The following CEACAM5 variants were observed in gnomAD, a reference collection of about 807,000 sequenced individuals.
CEACAM5 encodes CEA cell adhesion molecule 5.
A neutral mutation model predicts 63.0 loss-of-function variants in CEACAM5; 52 were observed. The ratio of observed to expected loss-of-function variants is 0.83; its 90% CI spans 0.66 to 1.04. The LOEUF is 1.04. Ranked by LOEUF, CEACAM5 falls within the 50% of genes least tolerant of loss-of-function variation. CEACAM5 has a pLI of 0.00. For synonymous variants in CEACAM5, 357 were observed against 351.3 expected (o/e 1.02, Z -0.18); for missense variants, 790 against 864.8 (o/e 0.91, Z 1.08).
intron 7 of CEACAM5, 125 bp downstream of exon 7, chr19:41,720,333 C>A: frequency 3.3e-6 from 4 of 1,226,680 alleles, no homozygotes; most frequent in Non-Finnish European, 4.6e-6. Context: ...CCCAGGCTGG[C>A]CATAACTTCC....
chr19:41,720,500 CTTT>C (rs10713199), intron 7 of CEACAM5, among the ~76,000 whole-genome samples: 1 of 96,050 alleles, frequency 1.0e-5, no homozygotes, highest in African/African-American at 4.1e-5. Flanking sequence ...ATGGTTTGGA[CTTT>C]TTTTTTTTTT....
intron 2 of CEACAM5, among the ~76,000 whole-genome samples, chr19:41,711,272 C>T (rs1307510995): frequency 6.6e-6 from 1 of 152,210 alleles, no homozygotes; most frequent in Non-Finnish European, 1.5e-5. Context: ...AGCCCCCTCA[C>T]ATGACCTCAA....
At chr19:41,722,337 C>G (rs1244346565) in intron 8 of CEACAM5, among the ~76,000 whole-genome samples, 3 of 138,900 alleles carry the variant, frequency 2.2e-5, no homozygotes, top group African/African-American at 8.2e-5. Flanking sequence ...GCACTCCAGC[C>G]TGGGTGACAG....
intron 8 of CEACAM5, among the ~76,000 whole-genome samples, chr19:41,723,839 C>A (rs781843795): frequency 6.6e-6 from 1 of 151,336 alleles, no homozygotes; most frequent in Non-Finnish European, 1.5e-5. Context: ...GTCCCAGCTA[C>A]TCAAGAGGCT....
intron 8 of CEACAM5, 136 bp downstream of exon 8, chr19:41,721,312 C>A: frequency 1.1e-6 from 1 of 944,028 alleles, no homozygotes; most frequent in Non-Finnish European, 1.6e-6. Context: ...CTATCCTGAG[C>A]CCCCTCACTC....
At chr19:41,713,756 G>A (rs561144913) in intron 2 of CEACAM5, among the ~76,000 whole-genome samples, 2 of 152,202 alleles carry the variant, frequency 1.3e-5, no homozygotes, top group Non-Finnish European at 2.9e-5. Flanking sequence ...TCAAAGTTCT[G>A]TCTCATAACT....
intron 6 of CEACAM5, among the ~76,000 whole-genome samples, 171 bp downstream of exon 6, chr19:41,718,553 GT>G (rs144111837): frequency 2.7e-3 from 417 of 152,234 alleles, no homozygotes; most frequent in Non-Finnish European, 4.6e-3. Flanking sequence ...TCTTCCCCTT[GT>G]TTTTCTGATT....
chr19:41,718,045 G>A, intron 5 of CEACAM5, 83 bp from the exon 6 acceptor site: 1 of 1,528,166 alleles, frequency 6.5e-7, no homozygotes, highest in Non-Finnish European at 8.9e-7. Context: ...TGGCTCAGGG[G>A]GACACTGTTG....
chr19:41,715,568 G>C, intron 3 of CEACAM5, 82 bp from the exon 4 acceptor site: 1 of 1,539,908 alleles, frequency 6.5e-7, no homozygotes, highest in Non-Finnish European at 8.9e-7. Context: ...CAGCTTAGAG[G>C]GACACTGTGG....
In CEACAM5 at chr19:41,711,707, G is replaced by A. The variant is rs1283558411; in HGVS notation, c.424+1668G>A. Among the ~76,000 whole-genome samples the A allele has an allele frequency of 2.0e-5, 3 of 152,116 alleles. No homozygotes were observed. In the East Asian group the frequency reaches 5.8e-4, roughly 29 times the overall value. On this transcript the variant is annotated intron_variant, in intron 2 of 9. Coordinates refer to ENST00000221992, the MANE Select transcript of CEACAM5 (RefSeq NM_004363.6). ...TACCCCGCATGGCTCATTGCCATGG[G>A]CATTTCTGACTTTCTTCTATTCCTC...
chr19:41,713,747 C>T (rs1167145126), intron 2 of CEACAM5, among the ~76,000 whole-genome samples: 3 of 152,310 alleles, frequency 2.0e-5, no homozygotes, highest in Admixed American at 1.3e-4. Context: ...AACTTCTTCT[C>T]AAAGTTCTGT....
chr19:41,715,737 AC>A lies in CEACAM5; in HGVS notation c.794del (p.Pro265HisfsTer27). Reference sequence around the variant, plus strand: ...AACCTCTCCTGCCACGCAGCCTCTAACCCACCTGCACAGTACTCTTGGTTTG... The same window carrying A: ...AACCTCTCCTGCCACGCAGCCTCTAACCACCTGCACAGTACTCTTGGTTTG... ...NLNLSCHAAS[N>X]PPAQYSWFVN... On this transcript the variant is annotated frameshift_variant, in exon 4 of 10. Transcript: ENST00000221992. LOFTEE classifies it high-confidence loss of function. The A allele has an allele frequency of 6.2e-7, 1 of 1,614,052 alleles. No individual in the cohort carries two copies. Among genetic ancestry groups the A allele is most frequent in the Non-Finnish European group, 8.5e-7 (1 of 1,180,002 alleles).
Position 41,715,781 on chromosome 19 carries a change from C to G in CEACAM5, c.835C>G (p.Gln279Glu), listed in dbSNP as rs782438192. The change falls in exon 4 of 10, where the codon CAA (glutamine) becomes GAA (glutamate). Residue 279 changes from glutamine to glutamate, a missense_variant. By Grantham distance (29) the Gln-to-Glu change is conservative. Coordinates refer to ENST00000221992, the MANE Select transcript of CEACAM5 (RefSeq NM_004363.6). ...YSWFVNGTFQ[Q>E]STQELFIPNI... ...TTGGTTTGTCAATGGGACTTTCCAG[C>G]AATCCACCCAAGAGCTCTTTATCCC... The G allele has an allele frequency of 6.2e-7, 1 of 1,614,226 alleles. No individual in the cohort carries two copies. Among genetic ancestry groups the G allele is most frequent in the Non-Finnish European group, 8.5e-7 (1 of 1,180,048 alleles).
At chr19:41,715,510 G>A in intron 3 of CEACAM5, 140 bp from the exon 4 acceptor site, 2 of 1,236,508 alleles carry the variant, frequency 1.6e-6, no homozygotes, top group Admixed American at 1.8e-5. Context: ...TCAGACTCAG[G>A]CTCAGTAGAT....
chr19:41,725,387 A>G (rs1176074069), intron 8 of CEACAM5, among the ~76,000 whole-genome samples: 1 of 147,544 alleles, frequency 6.8e-6, no homozygotes, highest in Non-Finnish European at 1.5e-5. Flanking sequence ...TTTTTAAGAG[A>G]CAGGGTCTCA....
chr19:41,719,860 C>G, intron 6 of CEACAM5, 70 bp from the exon 7 acceptor site: 1 of 1,599,070 alleles, frequency 6.3e-7, no homozygotes, highest in Non-Finnish European at 8.5e-7. Flanking sequence ...GTTGCCAACT[C>G]TGATTGAAAG....
Position 41,717,686 on chromosome 19 carries a change from A to G in CEACAM5, c.1190A>G (p.Asn397Ser). 6.2e-7 allele frequency: 1 copy of G among 1,614,202 alleles called. No individual in the cohort carries two copies. Among genetic ancestry groups the G allele is most frequent in the Non-Finnish European group, 8.5e-7 (1 of 1,180,024 alleles). ...GGACCCTATGAGTGTGGAATCCAGA[A>G]CGAATTAAGTGTTGACCACAGCGAC... Reference protein sequence around the residue: ...DVGPYECGIQNELSVDHSDPV... With the variant: ...DVGPYECGIQSELSVDHSDPV... The change falls in exon 5 of 10, where the codon AAC becomes AGC. Residue 397 changes from asparagine to serine, a missense_variant. Asn to Ser is a conservative substitution (Grantham distance 46). Transcript: ENST00000221992.
chr19:41,714,085 G>T (rs377479884), intron 2 of CEACAM5, among the ~76,000 whole-genome samples: 2 of 151,970 alleles, frequency 1.3e-5, no homozygotes, highest in East Asian at 3.9e-4. Context: ...TGTGGTGGTG[G>T]GCGCCTGTAG....
intron 2 of CEACAM5, among the ~76,000 whole-genome samples, chr19:41,713,090 A>G (rs2072462427): frequency 1.3e-5 from 2 of 152,158 alleles, no homozygotes; most frequent in African/African-American, 2.4e-5. Context: ...GAAGATCACA[A>G]AGTCAAGAGA....
Sources: gnomAD v4.1 joint callset for allele counts (sites outside exome capture counted in the v4.1 genomes callset) on GRCh38, gnomAD v4.1.1 for gene constraint, MANE v1.5 for transcripts, NCBI Gene and HGNC (gene_info 2026-07-23, HGNC 2026-07-21) for gene names.